Variants in MACROH2A1 observed in about 807,000 individuals in gnomAD.
The protein encoded by MACROH2A1 is macroH2A.1 histone, also known as core histone macro-H2A.1.
A neutral mutation model predicts 31.6 loss-of-function variants in MACROH2A1; 2 were observed. The ratio of observed to expected loss-of-function variants is 0.06; its 90% CI spans 0.03 to 0.20. The LOEUF (loss-of-function observed/expected upper bound fraction) is 0.20. MACROH2A1 is among the 10% of genes least tolerant of loss of function. MACROH2A1 has a pLI of 1.00. For synonymous variants in MACROH2A1, 169 were observed against 189.6 expected, an observed-to-expected ratio of 0.89 and a Z score of 0.89; for missense variants, 230 against 474.0, an observed-to-expected ratio of 0.49 and a Z score of 4.78.
chr5:135,383,700 GGTGTGTGT>G (rs61338247), intron 2 of MACROH2A1, among the ~76,000 whole-genome samples: 2,401 of 137,206 alleles, frequency 0.017, 59 homozygotes, highest in Admixed American at 0.07. Flanking sequence ...GATGTGGTGT[GGTGTGTGT>G]GTGTGTGTGT....
At chr5:135,386,679 A>C (rs1766450678) in intron 2 of MACROH2A1, among the ~76,000 whole-genome samples, 1 of 152,204 alleles carries the variant, frequency 6.6e-6, no homozygotes, top group South Asian at 2.1e-4. Context: ...TGGACTGCTG[A>C]TATCCACCTC....
In MACROH2A1 at chr5:135,334,689, A is replaced by G. The variant is rs1264129078; in HGVS notation, c.*287T>C. ...CTGTTCTCCCCACTGCTGTGCGTCAATCAGGGTTTCATTAAAATAAAACTA... is the reference window on the plus strand; with the variant it reads ...CTGTTCTCCCCACTGCTGTGCGTCAGTCAGGGTTTCATTAAAATAAAACTA... On this transcript the variant is annotated 3_prime_UTR_variant, in exon 9 of 9. Transcript: ENST00000511689. 1 of 303,614 alleles carries G rather than the reference A, an allele frequency of 3.3e-6. No individual in the cohort carries two copies. The highest frequency in any genetic ancestry group is 4.6e-5 in the Admixed American group (1 of 21,572). The allele number at this position is 303,614 out of a possible 1,614,324, so 18.8% of individuals were successfully genotyped here. A position where few individuals can be genotyped will look rare whatever the true frequency, so the allele number is the denominator to read the frequency against.
chr5:135,373,284 A>C (rs1764420489), intron 2 of MACROH2A1, among the ~76,000 whole-genome samples: 1 of 151,838 alleles, frequency 6.6e-6, no homozygotes, highest in Non-Finnish European at 1.5e-5. Context: ...AAAAATGAGA[A>C]TGATGGATAA....
intron 1 of MACROH2A1, among the ~76,000 whole-genome samples, chr5:135,392,103 C>G (rs1767328207): frequency 6.6e-6 from 1 of 152,186 alleles, no homozygotes; most frequent in African/African-American, 2.4e-5. Context: ...CTGGAATGCC[C>G]TTTGTCCTCT....
At chr5:135,379,471 TG>T (rs1223640949) in intron 2 of MACROH2A1, among the ~76,000 whole-genome samples, 2 of 152,244 alleles carry the variant, frequency 1.3e-5, no homozygotes, top group Non-Finnish European at 2.9e-5. Context: ...CAACCAGAAC[TG>T]GAAGAGGGTG....
intron 6 of MACROH2A1, 157 bp from the exon 7 acceptor site, chr5:135,346,214 T>C (rs1561581524): frequency 1.1e-5 from 7 of 625,038 alleles, no homozygotes; most frequent in Non-Finnish European, 2.0e-5. Flanking sequence ...TAAAGTAAAA[T>C]TGAGAAGGGC....
intron 2 of MACROH2A1, among the ~76,000 whole-genome samples, chr5:135,380,472 G>A (rs1765513265): frequency 6.6e-6 from 1 of 152,166 alleles, no homozygotes; most frequent in Non-Finnish European, 1.5e-5. Flanking sequence ...GTTCTCCAAC[G>A]CCCAGGCCTA....
chr5:135,339,107 G>C (rs1026503179), intron 8 of MACROH2A1, among the ~76,000 whole-genome samples: 2 of 152,188 alleles, frequency 1.3e-5, no homozygotes, highest in African/African-American at 4.8e-5. Flanking sequence ...CTGGAGTCAA[G>C]AGTTTCCTAC....
In MACROH2A1 at chr5:135,346,017, T is replaced by C. The variant is rs1038335125; in HGVS notation, c.729A>G (p.Glu243=). The C allele has an allele frequency of 1.2e-6, 2 of 1,614,078 alleles. No individual in the cohort carries two copies. The highest frequency in any genetic ancestry group is 1.7e-6 in the Non-Finnish European group (2 of 1,179,908). ...TCTTTTTCCGGAGTTCCAGGACAGC[T>C]TCCACAAACTCCTTGCCACCTTTCT... The part of the protein sequence containing the change: ...LEKKGGKEFV[E]AVLELRKKNG... Residue 243 remains glutamate (E), a synonymous_variant, in exon 7 of 9, where the codon GAA becomes GAG. Coordinates refer to ENST00000511689, the MANE Select transcript of MACROH2A1 (RefSeq NM_138610.3).
chr5:135,338,306 C>T (rs1759151853), intron 8 of MACROH2A1, among the ~76,000 whole-genome samples: 1 of 152,198 alleles, frequency 6.6e-6, no homozygotes, highest in Non-Finnish European at 1.5e-5. Flanking sequence ...GTTGTGGTCC[C>T]ACTTCGGTGC....
chr5:135,358,282 G>C, intron 5 of MACROH2A1: 1 of 985,100 alleles, frequency 1.0e-6, no homozygotes, highest in South Asian at 4.7e-5. Flanking sequence ...ATTCCAGAAA[G>C]GGCAGTTGGA....
At chr5:135,372,251 A>C (rs1054036298) in intron 2 of MACROH2A1, among the ~76,000 whole-genome samples, 1 of 152,228 alleles carries the variant, frequency 6.6e-6, no homozygotes, top group African/African-American at 2.4e-5. Context: ...AGAGTGATAA[A>C]GAATGCCACA....
At chr5:135,336,515 C>A (rs1407191853) in intron 8 of MACROH2A1, among the ~76,000 whole-genome samples, 4 of 139,120 alleles carry the variant, frequency 2.9e-5, no homozygotes, top group Non-Finnish European at 6.0e-5. Flanking sequence ...GGCAGCTCCT[C>A]AGCCACAGAG....
chr5:135,360,733 A>C, intron 4 of MACROH2A1, 126 bp from the exon 5 acceptor site: 4 of 735,898 alleles, frequency 5.4e-6, no homozygotes, highest in Non-Finnish European at 9.8e-6. Flanking sequence ...ACCAGTTCTC[A>C]GCGTTTCTCC....
At chr5:135,368,243 G>A (rs1238046673) in intron 4 of MACROH2A1, among the ~76,000 whole-genome samples, 2 of 152,246 alleles carry the variant, frequency 1.3e-5, no homozygotes, top group South Asian at 2.1e-4. Flanking sequence ...CTGCATGCGG[G>A]TGAAAGCCAG....
intron 6 of MACROH2A1, chr5:135,350,775 C>A: frequency 1.7e-6 from 2 of 1,153,512 alleles, no homozygotes; most frequent in South Asian, 2.5e-5. Context: ...CTGCAGCGGC[C>A]GACTGACCAT....
intron 2 of MACROH2A1, among the ~76,000 whole-genome samples, chr5:135,380,636 T>C (rs1381996189): frequency 6.6e-6 from 1 of 152,174 alleles, no homozygotes; most frequent in African/African-American, 2.4e-5. Flanking sequence ...CTGAGGGGTC[T>C]AGGGGTGTTG....
At chr5:135,376,437 G>A (rs77478505) in intron 2 of MACROH2A1, among the ~76,000 whole-genome samples, 1 of 152,258 alleles carries the variant, frequency 6.6e-6, no homozygotes, top group East Asian at 1.9e-4. Flanking sequence ...ATAACACAGG[G>A]GAGCTATGAT....
chr5:135,371,967 T>C (rs891808122), intron 2 of MACROH2A1, among the ~76,000 whole-genome samples: 7 of 152,194 alleles, frequency 4.6e-5, no homozygotes, highest in African/African-American at 1.7e-4. Flanking sequence ...CTCCACCCAA[T>C]GCAAATAACC....
Sources: allele counts gnomAD v4.1 joint callset (sites outside exome capture counted in the v4.1 genomes callset), GRCh38; gene constraint gnomAD v4.1.1; transcripts MANE v1.5; gene names NCBI Gene and HGNC (gene_info 2026-07-23, HGNC 2026-07-21).